PTPRM: variants seen among roughly 807,000 people sequenced by gnomAD.
The protein encoded by PTPRM is receptor-type tyrosine-protein phosphatase mu.
In PTPRM, 47 loss-of-function variants were observed where a neutral mutation model predicts 186.7. The ratio of observed to expected loss-of-function variants is 0.25; its 90% CI spans 0.20 to 0.32. The LOEUF is 0.32. PTPRM is among the 10% of genes least tolerant of loss of function. PTPRM has a pLI of 1.00. For synonymous variants in PTPRM, 668 were observed against 674.9 expected (o/e 0.99, Z 0.16); for missense variants, 1,494 against 1,865.0 (o/e 0.80, Z 3.66).
chr18:8,389,224 G>T (rs1042406602), intron 31 of PTPRM, among the ~76,000 whole-genome samples: 11 of 152,154 alleles, frequency 7.2e-5, no homozygotes, highest in African/African-American at 2.7e-4. Context: ...GGAGCTAGAT[G>T]TATAATGCAT....
At position 8,370,947 on chromosome 18, in the gene PTPRM, A is replaced by G. The variant is rs1247262517; in HGVS notation, c.3112A>G (p.Thr1038Ala). ...AGAGATATATAAAGACATTAAAGTT[A>G]CCCTAATAGAAACAGAACTACTGGC... Reference protein sequence around the residue: ...DTEIYKDIKVTLIETELLAEY... With the variant: ...DTEIYKDIKVALIETELLAEY... Residue 1038 changes from threonine to alanine, a missense_variant, in exon 24 of 33, where the codon ACC becomes GCC. Coordinates refer to ENST00000580170, the MANE Select transcript of PTPRM (RefSeq NM_001105244.2). 1 of 1,609,342 alleles carries G rather than the reference A, an allele frequency of 6.2e-7. No individual in the cohort carries two copies. Among genetic ancestry groups the G allele is most frequent in the South Asian group, 1.1e-5 (1 of 90,744 alleles).
At chr18:8,176,219 G>C (rs1007967673) in intron 14 of PTPRM, among the ~76,000 whole-genome samples, 1 of 152,166 alleles carries the variant, frequency 6.6e-6, no homozygotes, top group Non-Finnish European at 1.5e-5. Context: ...GAGAGAGAGA[G>C]AGAGAGAGAG....
chr18:8,402,399 A>AG (rs759686918), intron 32 of PTPRM, among the ~76,000 whole-genome samples: 4 of 152,236 alleles, frequency 2.6e-5, no homozygotes, highest in Non-Finnish European at 4.4e-5. Context: ...TCCAAGCAGC[A>AG]GCTCCTTAGC....
intron 7 of PTPRM, among the ~76,000 whole-genome samples, chr18:8,000,107 T>C (rs895377144): frequency 6.6e-6 from 1 of 152,214 alleles, no homozygotes; most frequent in African/African-American, 2.4e-5. Flanking sequence ...CCACCTGCAT[T>C]AGGGAGGGCA....
intron 14 of PTPRM, among the ~76,000 whole-genome samples, chr18:8,155,568 A>G (rs189327400): frequency 1.2e-4 from 19 of 152,378 alleles, no homozygotes; most frequent in African/African-American, 4.6e-4. Flanking sequence ...AATGCAGCAT[A>G]TTATCAAATA....
chr18:7,950,775 T>A (rs8087770), intron 6 of PTPRM, among the ~76,000 whole-genome samples: 42,450 of 152,072 alleles, frequency 0.28, 7,730 homozygotes, highest in African/African-American at 0.52. Flanking sequence ...AATGGATGTC[T>A]GAACTACCTT....
At chr18:8,332,604 C>T (rs569107552) in intron 22 of PTPRM, among the ~76,000 whole-genome samples, 23 of 152,234 alleles carry the variant, frequency 1.5e-4, no homozygotes, top group African/African-American at 5.5e-4. Context: ...AAAGGCTAAT[C>T]GTGGATACAG....
chr18:7,796,748 AC>A (rs2043677926), intron 2 of PTPRM, among the ~76,000 whole-genome samples: 1 of 152,130 alleles, frequency 6.6e-6, no homozygotes, highest in African/African-American at 2.4e-5. Flanking sequence ...TCGCCATAAC[AC>A]AATGCTTTAC....
intron 1 of PTPRM, among the ~76,000 whole-genome samples, chr18:7,718,355 C>A (rs937629173): frequency 1.3e-5 from 2 of 152,108 alleles, no homozygotes; most frequent in Non-Finnish European, 2.9e-5. Flanking sequence ...AACTGGTAAG[C>A]CACATGTAGA....
intron 7 of PTPRM, among the ~76,000 whole-genome samples, chr18:8,063,455 G>A (rs1260931587): frequency 1.3e-5 from 2 of 152,066 alleles, no homozygotes; most frequent in Non-Finnish European, 1.5e-5. Context: ...GTTCCTATTC[G>A]GCCATCTTCC....
intron 13 of PTPRM, among the ~76,000 whole-genome samples, chr18:8,125,976 CATATATATATATAT>C (rs1178603481): frequency 0.011 from 641 of 59,682 alleles, 35 homozygotes; most frequent in African/African-American, 0.033. Context: ...TGTGTGTATA[CATATATATATATAT>C]ATATATATAT....
At chr18:7,753,023 C>T (rs8083032) in intron 1 of PTPRM, among the ~76,000 whole-genome samples, 1,688 of 151,922 alleles carry the variant, frequency 0.011, 32 homozygotes, top group African/African-American at 0.038. Flanking sequence ...ATGTGATGAA[C>T]GAGATGGGGA....
intron 1 of PTPRM, among the ~76,000 whole-genome samples, chr18:7,772,867 A>G (rs1050032503): frequency 4.6e-5 from 7 of 152,196 alleles, no homozygotes; most frequent in African/African-American, 1.7e-4. Flanking sequence ...GCAAACAATT[A>G]TAATTTTTTG....
rs563455797 is a variant in PTPRM at position 8,151,834 on chromosome 18, G to C, written c.2300+8055G>C. ...GGTCTGTGGGTTGTGAAGACCATGGGAAAAGCGCAGTATCTGAGCTGGAGT... is the reference window on the plus strand; with the variant it reads ...GGTCTGTGGGTTGTGAAGACCATGGCAAAAGCGCAGTATCTGAGCTGGAGT... On this transcript the variant is annotated intron_variant, in intron 14 of 32. Coordinates refer to ENST00000580170, the MANE Select transcript of PTPRM (RefSeq NM_001105244.2). Among the ~76,000 whole-genome samples, 793 of 152,224 alleles carry C rather than the reference G, an allele frequency of 5.2e-3. 1 individual carries two copies. The highest frequency in any genetic ancestry group is 8.0e-3 in the Non-Finnish European group (545 of 68,012).
rs185404521 is a variant in PTPRM at position 8,399,144 on chromosome 18, C to T, written c.4344+4533C>T. Among the ~76,000 whole-genome samples the T allele has an allele frequency of 3.5e-4, 54 of 152,290 alleles. No homozygotes were observed. In the East Asian group the frequency reaches 8.1e-3, roughly 23 times the overall value. The stretch of plus-strand genomic sequence containing the variant: ...CCAAGGAGCTGAGCAGAGGAGGCTG[C>T]TTTATAGGCAGAAAAAAGCTTGAGA... On this transcript the variant is annotated intron_variant, in intron 32 of 32. Coordinates refer to ENST00000580170, the MANE Select transcript of PTPRM (RefSeq NM_001105244.2).
At chr18:8,384,474 A>T in intron 29 of PTPRM, 87 bp from the exon 30 acceptor site, 1 of 1,454,554 alleles carries the variant, frequency 6.9e-7, no homozygotes, top group South Asian at 1.2e-5. Context: ...AAAAAGGATT[A>T]CTGAGTGTCA....
Position 7,602,963 on chromosome 18 carries a change from T to G in PTPRM, c.73+35072T>G, listed in dbSNP as rs185600214. On this transcript the variant is annotated intron_variant, in intron 1 of 32. Coordinates refer to ENST00000580170, the MANE Select transcript of PTPRM (RefSeq NM_001105244.2). ...TATTATTTGAGGCGGAGTCTCACTC[T>G]CTCGCCCAGGCTGGAGTGCAGTGTT... Among the ~76,000 whole-genome samples, 53 of 149,644 alleles carry G rather than the reference T, an allele frequency of 3.5e-4. No individual in the cohort carries two copies. The East Asian group carries it at 9.4e-3, about 27-fold the overall frequency.
intron 1 of PTPRM, among the ~76,000 whole-genome samples, chr18:7,742,438 A>T (rs1487973088): frequency 6.6e-6 from 1 of 152,170 alleles, no homozygotes; most frequent in African/African-American, 2.4e-5. Flanking sequence ...CCTCCCACCC[A>T]TTCCTCCAGT....
chr18:8,149,515 C>T (rs2092955953), intron 14 of PTPRM, among the ~76,000 whole-genome samples: 1 of 152,126 alleles, frequency 6.6e-6, no homozygotes, highest in Non-Finnish European at 1.5e-5. Flanking sequence ...TAAATATTCT[C>T]CATCCATTTA....
Sources: gnomAD v4.1 joint callset for allele counts (sites outside exome capture counted in the v4.1 genomes callset) on GRCh38, gnomAD v4.1.1 for gene constraint, MANE v1.5 for transcripts, NCBI Gene and HGNC (gene_info 2026-07-23, HGNC 2026-07-21) for gene names.